The following SEPTIN11 variants were observed in gnomAD, a reference collection of about 807,000 sequenced individuals.
SEPTIN11 encodes septin-11.
Under a neutral mutation model 51.4 loss-of-function variants are expected in SEPTIN11, and 25 were observed. The ratio of observed to expected loss-of-function variants is 0.49; its 90% CI spans 0.35 to 0.68. SEPTIN11 has a LOEUF of 0.68. SEPTIN11 is among the 30% of genes least tolerant of loss of function. The pLI, the probability that SEPTIN11 is intolerant of heterozygous loss-of-function variation, is 0.00. For synonymous variants in SEPTIN11, 174 were observed against 184.1 expected, an observed-to-expected ratio of 0.95 and a Z score of 0.44; for missense variants, 381 against 520.8, an observed-to-expected ratio of 0.73 and a Z score of 2.61.
intron 1 of SEPTIN11, among the ~76,000 whole-genome samples, chr4:76,959,932 A>G (rs1721756744): frequency 6.6e-6 from 1 of 152,180 alleles, no homozygotes; most frequent in African/African-American, 2.4e-5. Context: ...GCAATGTGTA[A>G]TAATCACATC....
At chr4:77,018,564 A>G (rs1725475030) in intron 5 of SEPTIN11, among the ~76,000 whole-genome samples, 1 of 152,222 alleles carries the variant, frequency 6.6e-6, no homozygotes, top group Non-Finnish European at 1.5e-5. Context: ...ATCTGTATTT[A>G]CATTTTGTAA....
Position 77,024,089 on chromosome 4 carries a change from C to T in SEPTIN11, c.953+3419C>T, listed in dbSNP as rs532538093. Among the ~76,000 whole-genome samples, 275 of 152,234 alleles carry T rather than the reference C, an allele frequency of 1.8e-3. 1 individual carries two copies. Among genetic ancestry groups the T allele is most frequent in the African/African-American group, 6.1e-3 (254 of 41,526 alleles). On this transcript the variant is annotated intron_variant, in intron 7 of 9. Coordinates refer to ENST00000264893, the MANE Select transcript of SEPTIN11 (RefSeq NM_018243.4). The surrounding 1 kb of genome is among the most constrained non-coding windows in gnomAD (Gnocchi z 4.2). ...TTGTAAAACAGAGAGTGACCTCTAA[C>T]ACCAAGTCTAGTAAGAGGCAGTGCC...
At position 77,036,750 on chromosome 4, in the gene SEPTIN11, T is replaced by C. The variant is rs1283749429; in HGVS notation, c.*2238T>C. ...GCTGCTTTTCTTTTTTCTTTCTGTA[T>C]CTATGCCTTTTTTTCACAGTAGTCC... On this transcript the variant is annotated 3_prime_UTR_variant, in exon 10 of 10. Coordinates refer to ENST00000264893, the MANE Select transcript of SEPTIN11 (RefSeq NM_018243.4). 1 of 1,534,104 alleles carries C rather than the reference T, an allele frequency of 6.5e-7. No individual in the cohort carries two copies. The highest frequency in any genetic ancestry group is 8.7e-7 in the Non-Finnish European group (1 of 1,146,804).
In SEPTIN11 at chr4:77,020,782, G is replaced by T. The variant is rs1285481443; in HGVS notation, c.953+112G>T. ...GATGGTGATGATGGAAGGATCTGGT[G>T]GGTGAAGATTAATACATATGTTGTC... On this transcript the variant is annotated intron_variant, in intron 7 of 9. Transcript: ENST00000264893. 2.5e-5 allele frequency: 25 copies of T among 1,006,320 alleles called. No individual in the cohort carries two copies. In the South Asian group the frequency reaches 3.5e-4, roughly 14 times the overall value. 62.3% of individuals were successfully genotyped at this position (1,006,320 alleles called of 1,614,324 possible).
chr4:77,027,753 A>G (rs141389441), intron 7 of SEPTIN11, among the ~76,000 whole-genome samples: 1 of 152,274 alleles, frequency 6.6e-6, no homozygotes, highest in East Asian at 1.9e-4. Flanking sequence ...TTCTGTGTGT[A>G]TGTGGGGGTT....
At position 77,025,481 on chromosome 4, in the gene SEPTIN11, C is replaced by T. The variant is rs150540572; in HGVS notation, c.954-3148C>T. The stretch of plus-strand genomic sequence containing the variant: ...GATCGCTTGAGCCCAGGAGTTCGAG[C>T]GTATGGTGAGCTATGATCCTGCTCC... On this transcript the variant is annotated intron_variant, in intron 7 of 9. Coordinates refer to ENST00000264893, the MANE Select transcript of SEPTIN11 (RefSeq NM_018243.4). Among the ~76,000 whole-genome samples, 484 of 151,556 alleles carry T rather than the reference C, an allele frequency of 3.2e-3. 2 individuals are homozygous for T. Among genetic ancestry groups the T allele is most frequent in the African/African-American group, 0.011 (434 of 41,268 alleles).
chr4:77,025,566 A>C (rs1468544321), intron 7 of SEPTIN11, among the ~76,000 whole-genome samples: 1 of 151,920 alleles, frequency 6.6e-6, no homozygotes, highest in Non-Finnish European at 1.5e-5. Context: ...AAGATGTAAA[A>C]TCACTTTGGA....
chr4:76,989,962 C>T (rs1193326001), intron 1 of SEPTIN11, among the ~76,000 whole-genome samples: 1 of 152,126 alleles, frequency 6.6e-6, no homozygotes, highest in Non-Finnish European at 1.5e-5. Flanking sequence ...TGTTGCAGCT[C>T]TTAAAGGTGG....
intron 7 of SEPTIN11, among the ~76,000 whole-genome samples, chr4:77,022,263 A>T (rs1018248321): frequency 6.6e-6 from 1 of 152,174 alleles, no homozygotes; most frequent in African/African-American, 2.4e-5. Context: ...CCTCACCTTC[A>T]TTCAAATCCA....
chr4:76,960,028 G>A (rs1721761175), intron 1 of SEPTIN11, among the ~76,000 whole-genome samples: 1 of 152,172 alleles, frequency 6.6e-6, no homozygotes, highest in Non-Finnish European at 1.5e-5. Flanking sequence ...ATTTTTAAAT[G>A]TACCCCAAGA....
intron 1 of SEPTIN11, among the ~76,000 whole-genome samples, chr4:76,989,257 CACCTG>C (rs1175309958): frequency 1.3e-5 from 2 of 152,012 alleles, no homozygotes; most frequent in African/African-American, 4.8e-5. Flanking sequence ...TCCAGCTCTC[CACCTG>C]AATACATAAA....
chr4:76,959,281 A>T (rs1475712081), intron 1 of SEPTIN11: 4 of 157,422 alleles, frequency 2.5e-5, no homozygotes, highest in Non-Finnish European at 4.1e-5. Context: ...AAATAATAAT[A>T]ATTATTATTT....
chr4:77,016,633 C>CATATATATATATATATACACATAT (rs1725291771), intron 5 of SEPTIN11, among the ~76,000 whole-genome samples: 1 of 72,746 alleles, frequency 1.4e-5, no homozygotes, highest in South Asian at 4.2e-4. Flanking sequence ...TATATATACA[C>CATATATATATATATATACACATAT]ATATATATAT....
intron 3 of SEPTIN11, among the ~76,000 whole-genome samples, chr4:77,007,995 C>G (rs1724607622): frequency 6.6e-6 from 1 of 152,188 alleles, no homozygotes; most frequent in African/African-American, 2.4e-5. Flanking sequence ...GCCATAGATG[C>G]AAGACTTCAA....
At chr4:77,009,463 G>A (rs969010211) in intron 3 of SEPTIN11, among the ~76,000 whole-genome samples, 2 of 152,218 alleles carry the variant, frequency 1.3e-5, no homozygotes, top group African/African-American at 4.8e-5. Context: ...ACAGGAATGA[G>A]TATGATTTTC....
chr4:76,968,368 G>C (rs755947624), intron 1 of SEPTIN11, among the ~76,000 whole-genome samples: 1 of 152,124 alleles, frequency 6.6e-6, no homozygotes, highest in Non-Finnish European at 1.5e-5. Context: ...AAGGACTTAA[G>C]TTGAGGCTTA....
chr4:76,986,659 G>A (rs1386114669), intron 1 of SEPTIN11, among the ~76,000 whole-genome samples: 2 of 152,020 alleles, frequency 1.3e-5, no homozygotes, highest in South Asian at 2.1e-4. Context: ...CCACTTTTCC[G>A]ATTCCTCCTG....
intron 1 of SEPTIN11, among the ~76,000 whole-genome samples, chr4:76,954,971 A>T (rs1420319585): frequency 1.8e-5 from 1 of 57,004 alleles, no homozygotes; most frequent in Non-Finnish European, 3.1e-5. Flanking sequence ...TTTCTTTTTT[A>T]TTTATTTATT....
chr4:76,966,986 C>T (rs1037296430), intron 1 of SEPTIN11, among the ~76,000 whole-genome samples: 4 of 152,016 alleles, frequency 2.6e-5, no homozygotes, highest in African/African-American at 4.8e-5. Flanking sequence ...CACTTGAGGT[C>T]GGGATTTTGA....
Sources: gnomAD v4.1 joint callset for allele counts (sites outside exome capture counted in the v4.1 genomes callset) on GRCh38, gnomAD v4.1.1 for gene constraint, Gnocchi (gnomAD v3.1) non-coding constraint, MANE v1.5 for transcripts, NCBI Gene and HGNC (gene_info 2026-07-23, HGNC 2026-07-21) for gene names.